Variants in CLCA1 observed in about 807,000 individuals in gnomAD.
CLCA1 encodes the protein calcium-activated chloride channel regulator 1.
CLCA1 carries 59 observed loss-of-function variants against 85.6 expected under a neutral mutation model. That is an observed-to-expected ratio of 0.69 (90% confidence interval 0.56 to 0.86). The LOEUF (loss-of-function observed/expected upper bound fraction) is 0.86. Among genes scored for constraint, CLCA1 ranks in the 40% least tolerant of loss-of-function variants. The pLI is 0.00. For synonymous variants in CLCA1, 396 were observed against 398.3 expected (o/e 0.99, Z 0.07); for missense variants, 1,022 against 1,101.4 (o/e 0.93, Z 1.02).
At chr1:86,499,576 AT>A (rs1374437628) in intron 13 of CLCA1, 77 bp from the exon 14 acceptor site, 1 of 944,594 alleles carries the variant, frequency 1.1e-6, no homozygotes, top group Middle Eastern at 3.4e-4. Context: ...CTTTTTAAAT[AT>A]TTTTTAAAGC....
Position 86,498,573 on chromosome 1 carries a change from T to C in CLCA1, c.2115T>C (p.Asp705=). 2 of 1,612,194 alleles carry C rather than the reference T, an allele frequency of 1.2e-6. No homozygotes were observed. The highest frequency in any genetic ancestry group is 8.5e-7 in the Non-Finnish European group (1 of 1,178,464). Residue 705 remains aspartate, a splice_region_variant and synonymous_variant, in exon 13 of 14, where the codon GAT becomes GAC. Transcript: ENST00000394711. The part of the protein sequence containing the change: ...ALYIPGWIEN[D]EIQWNPPRPE... ...ATTTTGAGTATTTTTTTAATGCAGA[T>C]GAAATACAATGGAATCCACCAAGAC...
chr1:86,484,245 T>C (rs1647899745), intron 5 of CLCA1, among the ~76,000 whole-genome samples: 1 of 152,134 alleles, frequency 6.6e-6, no homozygotes, highest in Admixed American at 6.6e-5. Flanking sequence ...TTCTACAAGA[T>C]ATCGTGAAGC....
intron 1 of CLCA1, among the ~76,000 whole-genome samples, chr1:86,471,601 C>G (rs4656114): frequency 0.19 from 29,070 of 152,070 alleles, 3,237 homozygotes; most frequent in East Asian, 0.36. Context: ...AAACAATACT[C>G]TAATATATGA....
chr1:86,472,700 C>T (rs5744321), intron 1 of CLCA1, among the ~76,000 whole-genome samples: 5,351 of 152,036 alleles, frequency 0.035, 136 homozygotes, highest in South Asian at 0.11. Flanking sequence ...TATAATTATG[C>T]TATTTTCTTA....
At chr1:86,492,309 T>C (rs1405439411) in intron 9 of CLCA1, among the ~76,000 whole-genome samples, 1 of 152,228 alleles carries the variant, frequency 6.6e-6, no homozygotes, top group African/African-American at 2.4e-5. Flanking sequence ...TTTAGAAAAT[T>C]AAATGCAAGG....
At chr1:86,482,925 G>A (rs1193979449) in intron 5 of CLCA1, among the ~76,000 whole-genome samples, 3 of 152,074 alleles carry the variant, frequency 2.0e-5, no homozygotes, top group African/African-American at 7.2e-5. Flanking sequence ...AAATGAACTT[G>A]GCCAGTTATT....
rs1199044594 is a variant in CLCA1, at chr1:86,486,597, CTGGGT to C, written c.1031_1035del (p.Val344AspfsTer5). 6.2e-7 allele frequency: 1 copy of C among 1,614,086 alleles called. No homozygotes were observed. Among genetic ancestry groups the C allele is most frequent in the African/African-American group, 1.3e-5 (1 of 74,984 alleles). ...TGCTGCAGACAGTTGAGCTGGGGTC[CTGGGT>C]TGGGATGGTGACATTTGACAGTGCT... On this transcript the variant is annotated frameshift_variant, in exon 7 of 14. Coordinates refer to ENST00000394711, the MANE Select transcript of CLCA1 (RefSeq NM_001285.4). LOFTEE classifies it high-confidence loss of function.
intron 1 of CLCA1, among the ~76,000 whole-genome samples, chr1:86,472,609 G>A (rs1329956144): frequency 6.6e-6 from 1 of 152,102 alleles, no homozygotes; most frequent in African/African-American, 2.4e-5. Flanking sequence ...ACATATCACA[G>A]GGAATCTGCA....
intron 1 of CLCA1, among the ~76,000 whole-genome samples, chr1:86,473,188 G>C (rs1570278563): frequency 6.6e-6 from 1 of 152,216 alleles, no homozygotes; most frequent in Non-Finnish European, 1.5e-5. Flanking sequence ...GCCAGGATTA[G>C]AGTCTGTCTC....
rs569491334 is a variant in CLCA1, at chr1:86,473,067, C to T, written c.163-350C>T. 4.6e-5 allele frequency among the ~76,000 whole-genome samples: 7 copies of T among 152,248 alleles called. No homozygotes were observed. In the South Asian group the frequency reaches 1.5e-3, roughly 32 times the overall value. ...AGCACATCATATGTTTCACTTTGTT[C>T]CTCACCACAACCTTATCAGCCAGTC... On this transcript the variant is annotated intron_variant, in intron 1 of 13. Transcript: ENST00000394711.
At chr1:86,484,551 A>G (rs987882055) in intron 5 of CLCA1, among the ~76,000 whole-genome samples, 2 of 152,182 alleles carry the variant, frequency 1.3e-5, no homozygotes, top group Admixed American at 1.3e-4. Context: ...AAAGCAGAGG[A>G]GTAAGAGGAA....
intron 12 of CLCA1, among the ~76,000 whole-genome samples, chr1:86,497,003 C>T (rs1648308736): frequency 6.6e-6 from 1 of 152,244 alleles, no homozygotes. Context: ...GCTGGGATTA[C>T]AGGCGTAAGC....
chr1:86,482,254 G>A lies in CLCA1; in HGVS notation c.607G>A (p.Gly203Ser). 3 of 1,613,994 alleles carry A rather than the reference G, an allele frequency of 1.9e-6. No individual in the cohort carries two copies. The highest frequency in any genetic ancestry group is 2.5e-6 in the Non-Finnish European group (3 of 1,179,884). Residue 203 changes from glycine to serine, a missense_variant, in exon 5 of 14, where the codon GGC becomes AGC. Physicochemically the swap from Gly to Ser is moderately conservative, Grantham distance 56. Transcript: ENST00000394711. ...AAATGTAGTAAAGAAGTGTCAGGGA[G>A]GCAGCTGTTACACCAAAAGATGCAC... is the stretch of plus-strand genomic sequence containing the variant. ...GTNVVKKCQG[G>S]SCYTKRCTFN... is the part of the protein sequence containing the mutation.
chr1:86,477,214 C>T (rs546435159), intron 4 of CLCA1, among the ~76,000 whole-genome samples: 5 of 152,306 alleles, frequency 3.3e-5, no homozygotes, highest in African/African-American at 1.2e-4. Flanking sequence ...CTTCGACCTG[C>T]CAAAGTGCTG....
intron 3 of CLCA1, among the ~76,000 whole-genome samples, chr1:86,474,529 G>C (rs1337304721): frequency 6.6e-6 from 1 of 150,748 alleles, no homozygotes; most frequent in Admixed American, 6.6e-5. Flanking sequence ...ACTCCAGCCT[G>C]GGCGACAGAG....
chr1:86,493,906 G>A (rs1360370655), intron 10 of CLCA1, among the ~76,000 whole-genome samples: 1 of 152,068 alleles, frequency 6.6e-6, no homozygotes, highest in Non-Finnish European at 1.5e-5. Flanking sequence ...TTATCTCAGA[G>A]ACTCATCTCT....
intron 5 of CLCA1, among the ~76,000 whole-genome samples, chr1:86,484,032 T>C (rs1647891330): frequency 6.6e-6 from 1 of 152,028 alleles, no homozygotes; most frequent in South Asian, 2.1e-4. Context: ...AATCATCAGA[T>C]TACGTGGGAA....
At chr1:86,495,736 A>G in intron 12 of CLCA1, 61 bp downstream of exon 12, 1 of 1,476,672 alleles carries the variant, frequency 6.8e-7, no homozygotes, top group Non-Finnish European at 9.2e-7. Flanking sequence ...AGAGGAAACT[A>G]TTAAGCCTGT....
intron 5 of CLCA1, among the ~76,000 whole-genome samples, chr1:86,482,974 A>C (rs759306738): frequency 6.6e-6 from 1 of 152,230 alleles, no homozygotes; most frequent in Non-Finnish European, 1.5e-5. Flanking sequence ...AATTTTGCGC[A>C]AAATGAGATT....
Sources: allele counts gnomAD v4.1 joint callset (sites outside exome capture counted in the v4.1 genomes callset), GRCh38; gene constraint gnomAD v4.1.1; transcripts MANE v1.5; gene names NCBI Gene and HGNC (gene_info 2026-07-23, HGNC 2026-07-21).